Variants in UGT2B10 observed in about 807,000 individuals in gnomAD.
UGT2B10 encodes UDP-glucuronosyltransferase 2B10.
A neutral mutation model predicts 43.7 loss-of-function variants in UGT2B10; 51 were observed. The observed-to-expected ratio is 1.17, with a 90% CI of 0.93 to 1.47. The LOEUF (loss-of-function observed/expected upper bound fraction) is 1.47, where lower values mean the gene tolerates loss of function less well. Among genes scored for constraint, UGT2B10 ranks in the 40% most tolerant of loss-of-function variants. UGT2B10 has a pLI of 0.00. For synonymous variants in UGT2B10, 225 were observed against 209.0 expected, an observed-to-expected ratio of 1.08 and a Z score of -0.66; for missense variants, 696 against 617.7, an observed-to-expected ratio of 1.13 and a Z score of -1.34.
intron 1 of UGT2B10, among the ~76,000 whole-genome samples, chr4:68,817,102 A>G (rs912532569): frequency 3.3e-5 from 5 of 151,844 alleles, no homozygotes; most frequent in African/African-American, 9.7e-5. Context: ...GAGTAATTAC[A>G]CATTTTTCTA....
intron 5 of UGT2B10, among the ~76,000 whole-genome samples, chr4:68,830,367 AT>A (rs2109706936): frequency 6.6e-6 from 1 of 152,214 alleles, no homozygotes; most frequent in African/African-American, 2.4e-5. Flanking sequence ...CTTGAAAAAA[AT>A]AACTTTCTCA....
chr4:68,825,889 C>T (rs998493284), intron 3 of UGT2B10, among the ~76,000 whole-genome samples: 3 of 151,902 alleles, frequency 2.0e-5, no homozygotes, highest in African/African-American at 4.8e-5. Flanking sequence ...GGTATTTTTG[C>T]CTCTAGGTTT....
intron 5 of UGT2B10, among the ~76,000 whole-genome samples, chr4:68,829,477 A>G (rs1374531957): frequency 6.6e-6 from 1 of 152,096 alleles, no homozygotes; most frequent in African/African-American, 2.4e-5. Flanking sequence ...ACGTATATTT[A>G]TCTTTTGTAT....
intron 2 of UGT2B10, among the ~76,000 whole-genome samples, chr4:68,819,123 T>C (rs1301716460): frequency 6.6e-6 from 1 of 151,948 alleles, no homozygotes; most frequent in Non-Finnish European, 1.5e-5. Flanking sequence ...CATATTGTGT[T>C]GTGTGGAAAA....
intron 1 of UGT2B10, 80 bp from the exon 2 acceptor site, chr4:68,817,949 A>G (rs1457694654): frequency 9.2e-6 from 14 of 1,519,524 alleles, no homozygotes; most frequent in South Asian, 1.3e-5. Flanking sequence ...TTTTGCCTGC[A>G]TTATTCTAAC....
At chr4:68,824,529 T>C (rs1237138792) in intron 3 of UGT2B10, among the ~76,000 whole-genome samples, 2 of 152,196 alleles carry the variant, frequency 1.3e-5, no homozygotes, top group East Asian at 3.8e-4. Context: ...TTTTCTTCTA[T>C]ATAGAATAAA....
intron 3 of UGT2B10, among the ~76,000 whole-genome samples, chr4:68,824,843 A>G (rs1737689433): frequency 6.6e-6 from 1 of 152,164 alleles, no homozygotes; most frequent in African/African-American, 2.4e-5. Flanking sequence ...TTTTGAGGTT[A>G]TTCAAAAGCT....
At position 68,816,408 on chromosome 4, in the gene UGT2B10, T is replaced by C. The variant is rs768472445; in HGVS notation, c.389T>C (p.Val130Ala). The C allele has an allele frequency of 2.5e-6, 4 of 1,612,780 alleles. No homozygotes were observed. In the Admixed American group the frequency reaches 5.0e-5, roughly 20 times the overall value. ...ATTAGAAACTTCTGTAAAGATGTAG[T>C]TTCAAATAAGAAACTTATGAAAAAA... The part of the protein sequence containing the change: ...DIIRNFCKDV[V>A]SNKKLMKKLQ... Residue 130 changes from valine to alanine, a missense_variant, in exon 1 of 6, where the codon GTT becomes GCT. Coordinates refer to ENST00000265403, the MANE Select transcript of UGT2B10 (RefSeq NM_001075.6).
At position 68,816,360 on chromosome 4, in the gene UGT2B10, T is replaced by C. The variant is rs752703844; in HGVS notation, c.341T>C (p.Ile114Thr). The C allele has an allele frequency of 2.5e-6, 4 of 1,612,938 alleles. No individual in the cohort carries two copies. The East Asian group carries it at 8.9e-5, about 36-fold the overall frequency. ...FWLPFSQEQE[I>T]LWAINDIIRN... is the part of the protein sequence containing the mutation. ...TTACCTTTTTCACAAGAACAAGAAA[T>C]CCTGTGGGCAATTAATGACATAATT... Residue 114 changes from isoleucine (I) to threonine (T), a missense_variant, in exon 1 of 6, where the codon ATC (isoleucine) becomes ACC (threonine). Transcript: ENST00000265403.
intron 2 of UGT2B10, 142 bp downstream of exon 2, chr4:68,818,319 T>A: frequency 6.9e-7 from 1 of 1,440,728 alleles, no homozygotes; most frequent in South Asian, 1.4e-5. Flanking sequence ...TAGAAACTCA[T>A]GTACATGTTA....
chr4:68,822,204 A>G lies in UGT2B10; in HGVS notation c.868-67A>G, dbSNP rs1578267317. The G allele has an allele frequency of 3.2e-6, 5 of 1,576,588 alleles. No individual in the cohort carries two copies. In the African/African-American group the frequency reaches 4.1e-5, roughly 13 times the overall value. ...TTTCTCTCTTTAATATTTTGTACCA[A>G]TTCTTTCGGTAGTGCCTGCTGTGGT... On this transcript the variant is annotated intron_variant, in intron 2 of 5. Coordinates refer to ENST00000265403, the MANE Select transcript of UGT2B10 (RefSeq NM_001075.6).
At chr4:68,825,498 A>G (rs1406993175) in intron 3 of UGT2B10, among the ~76,000 whole-genome samples, 2 of 151,734 alleles carry the variant, frequency 1.3e-5, no homozygotes, top group African/African-American at 4.8e-5. Flanking sequence ...CCCATCCTCC[A>G]CCTTCCAATA....
At chr4:68,829,586 G>C (rs1317975503) in intron 5 of UGT2B10, among the ~76,000 whole-genome samples, 1 of 151,922 alleles carries the variant, frequency 6.6e-6, no homozygotes, top group Non-Finnish European at 1.5e-5. Flanking sequence ...AAATCCTAGA[G>C]GTTCCGTCAG....
Position 68,830,885 on chromosome 4 carries a change from T to C in UGT2B10, c.*6T>C. The C allele has an allele frequency of 6.2e-7, 1 of 1,611,056 alleles. No individual in the cohort carries two copies. Among genetic ancestry groups the C allele is most frequent in the Non-Finnish European group, 8.5e-7 (1 of 1,178,622 alleles). On this transcript the variant is annotated 3_prime_UTR_variant, in exon 6 of 6. Coordinates refer to ENST00000265403, the MANE Select transcript of UGT2B10 (RefSeq NM_001075.6). Reference sequence around the variant, plus strand: ...AGAAGGGAAAAAGGGATTAGTTATATCTGAGATTTGAAGCTGGAAAACCTG... The same window carrying C: ...AGAAGGGAAAAAGGGATTAGTTATACCTGAGATTTGAAGCTGGAAAACCTG...
chr4:68,825,644 T>A (rs1737735732), intron 3 of UGT2B10, among the ~76,000 whole-genome samples: 3 of 152,132 alleles, frequency 2.0e-5, no homozygotes, highest in Admixed American at 1.3e-4. Context: ...ACCAGCTCAA[T>A]CCTTATCCCT....
rs755181461 is a variant in UGT2B10, at chr4:68,830,799, G to C, written c.1507G>C (p.Val503Leu). 6.2e-7 allele frequency: 1 copy of C among 1,613,232 alleles called. No homozygotes were observed. Among genetic ancestry groups the C allele is most frequent in the Non-Finnish European group, 8.5e-7 (1 of 1,179,508 alleles). The change falls in exon 6 of 6, where the codon GTG (valine) becomes CTG (leucine). Residue 503 changes from valine (V) to leucine (L), a missense_variant. By Grantham distance (32) the Val-to-Leu change is conservative. Transcript: ENST00000265403. ...GTTCCTGCTGGCTTGTGTGGCAACC[G>C]TGCTATTTATCATCACAAAGTGTTG... is the stretch of plus-strand genomic sequence containing the variant. ...IGFLLACVATVLFIITKCCLF... is the reference protein window; with the variant it reads ...IGFLLACVATLLFIITKCCLF...
At chr4:68,829,364 T>C (rs1200087537) in intron 5 of UGT2B10, among the ~76,000 whole-genome samples, 1 of 152,042 alleles carries the variant, frequency 6.6e-6, no homozygotes, top group Non-Finnish European at 1.5e-5. Flanking sequence ...TCTAGGCAGG[T>C]TGTGATATCC....
intron 1 of UGT2B10, among the ~76,000 whole-genome samples, chr4:68,817,700 A>G (rs1245736272): frequency 6.6e-6 from 1 of 151,766 alleles, no homozygotes; most frequent in African/African-American, 2.4e-5. Flanking sequence ...AAATATCTAG[A>G]GGCTACTATT....
chr4:68,817,554 A>C (rs1737277533), intron 1 of UGT2B10, among the ~76,000 whole-genome samples: 1 of 151,762 alleles, frequency 6.6e-6, no homozygotes, highest in South Asian at 2.1e-4. Flanking sequence ...ATACTCACAA[A>C]ATAGTCCACA....
Sources: gnomAD v4.1 joint callset for allele counts (sites outside exome capture counted in the v4.1 genomes callset) on GRCh38, gnomAD v4.1.1 for gene constraint, MANE v1.5 for transcripts, NCBI Gene and HGNC (gene_info 2026-07-23, HGNC 2026-07-21) for gene names.